The following TMEM150C variants were observed in gnomAD, a reference collection of about 807,000 sequenced individuals.
TMEM150C encodes the protein transmembrane protein 150C, also known as tentonin 3.
TMEM150C carries 10 observed loss-of-function variants against 29.9 expected under a neutral mutation model. The ratio of observed to expected loss-of-function variants is 0.33; its 90% CI spans 0.21 to 0.57. TMEM150C has a LOEUF of 0.57. Ranked by LOEUF, TMEM150C falls within the 20% of genes least tolerant of loss-of-function variation. The probability of loss-of-function intolerance (pLI) is 0.88; values close to 1 mark genes in which losing one functional copy is unlikely to be tolerated. For synonymous variants in TMEM150C, 101 were observed against 112.5 expected (o/e 0.90, Z 0.64); for missense variants, 251 against 303.6 (o/e 0.83, Z 1.29).
intron 5 of TMEM150C, among the ~76,000 whole-genome samples, chr4:82,497,071 A>G (rs572167969): frequency 1.3e-5 from 2 of 152,344 alleles, no homozygotes; most frequent in East Asian, 1.9e-4. Flanking sequence ...TGAAGAGAGA[A>G]TGAGGGAAGT....
chr4:82,490,540 A>G (rs1264566260), intron 6 of TMEM150C, among the ~76,000 whole-genome samples: 3 of 152,200 alleles, frequency 2.0e-5, no homozygotes, highest in African/African-American at 4.8e-5. Flanking sequence ...CTTTTCCAGG[A>G]TAAGAAAATT....
chr4:82,507,305 C>T (rs918492613), intron 1 of TMEM150C, among the ~76,000 whole-genome samples: 2 of 152,198 alleles, frequency 1.3e-5, no homozygotes, highest in Non-Finnish European at 2.9e-5. Context: ...TGGACAAATA[C>T]TCATGCTGGC....
chr4:82,551,384 C>T (rs891301524), intron 1 of TMEM150C, among the ~76,000 whole-genome samples: 1 of 152,110 alleles, frequency 6.6e-6, no homozygotes, highest in African/African-American at 2.4e-5. Flanking sequence ...ATCACCAATA[C>T]CTAGATTATG....
chr4:82,486,576 G>C (rs999729023), intron 7 of TMEM150C, among the ~76,000 whole-genome samples: 1 of 151,704 alleles, frequency 6.6e-6, no homozygotes. Flanking sequence ...CTCGTATCAC[G>C]TCTAAACTTG....
At chr4:82,540,277 A>G (rs1725160394) in intron 1 of TMEM150C, among the ~76,000 whole-genome samples, 1 of 151,144 alleles carries the variant, frequency 6.6e-6, no homozygotes, top group Non-Finnish European at 1.5e-5. Context: ...TGCCCGGCTA[A>G]TTTATTGATG....
intron 1 of TMEM150C, among the ~76,000 whole-genome samples, chr4:82,542,864 C>T (rs1224428228): frequency 6.6e-6 from 1 of 152,098 alleles, no homozygotes; most frequent in East Asian, 1.9e-4. Context: ...CTAGTTAAGA[C>T]CGGGAAAGAC....
chr4:82,521,043 G>A (rs1468657579), intron 1 of TMEM150C, among the ~76,000 whole-genome samples: 1 of 152,008 alleles, frequency 6.6e-6, no homozygotes, highest in Non-Finnish European at 1.5e-5. Context: ...CACACATATG[G>A]TGTACTGTCC....
chr4:82,540,114 CTTTTTTTTTTTTTTT>C (rs577728662), intron 1 of TMEM150C, among the ~76,000 whole-genome samples: 1,583 of 47,298 alleles, frequency 0.033, 64 homozygotes, highest in African/African-American at 0.079. Context: ...TCTACCTATT[CTTTTTTTTTTTTTTT>C]TTTTTTTTTT....
intron 5 of TMEM150C, among the ~76,000 whole-genome samples, chr4:82,498,981 C>T (rs1223998621): frequency 6.6e-6 from 1 of 152,206 alleles, no homozygotes; most frequent in East Asian, 1.9e-4. Context: ...TTCTAAACAC[C>T]ACACTTTGCC....
chr4:82,553,510 C>T (rs1378902214), intron 1 of TMEM150C, among the ~76,000 whole-genome samples: 2 of 152,152 alleles, frequency 1.3e-5, no homozygotes, highest in African/African-American at 2.4e-5. Context: ...AAATAAATTG[C>T]GTGCCTTCCA....
At chr4:82,502,992 C>T (rs920379866) in intron 3 of TMEM150C, 65 bp from the exon 4 acceptor site, 1 of 1,601,252 alleles carries the variant, frequency 6.2e-7, no homozygotes, top group Non-Finnish European at 8.5e-7. Context: ...GCAGTTTAAC[C>T]TTCCCAGTGG....
At chr4:82,495,546 T>C in intron 6 of TMEM150C, 1 of 356,552 alleles carries the variant, frequency 2.8e-6, no homozygotes. Context: ...TTTTTCACAA[T>C]AACAAAGTTG....
chr4:82,561,010 G>A (rs1725901467), intron 1 of TMEM150C, among the ~76,000 whole-genome samples: 1 of 152,198 alleles, frequency 6.6e-6, no homozygotes, highest in South Asian at 2.1e-4. Flanking sequence ...ACCGTGAAAG[G>A]CGGTCTGGCC....
In TMEM150C at chr4:82,493,512, T is replaced by C. The variant is rs9990746; in HGVS notation, c.363+2556A>G. On this transcript the variant is annotated intron_variant, in intron 6 of 7. Transcript: ENST00000449862. ...TTGTCATTTCTCATGTATTCTGTTA[T>C]ATTCCGGCAAACGTTCTTCATAAGT... 9.0e-3 allele frequency among the ~76,000 whole-genome samples: 1,368 copies of C among 152,356 alleles called. 23 individuals carry two copies. The highest frequency in any genetic ancestry group is 0.031 in the African/African-American group (1,297 of 41,584).
intron 1 of TMEM150C, among the ~76,000 whole-genome samples, chr4:82,545,818 G>A (rs769236987): frequency 1.3e-5 from 2 of 151,994 alleles, no homozygotes; most frequent in African/African-American, 2.4e-5. Context: ...CCAACTACTC[G>A]GGAGGTTGAG....
intron 7 of TMEM150C, 36 bp from the exon 8 acceptor site, chr4:82,485,755 G>C (rs770629463): frequency 6.5e-7 from 1 of 1,549,100 alleles, no homozygotes; most frequent in African/African-American, 1.4e-5. Context: ...ACCCTCATCA[G>C]CCACATTAAA....
In TMEM150C at chr4:82,554,948, T is replaced by TC. The variant is rs202048609; in HGVS notation, c.-11+6957dup. ...AAAATCTGAATAGCTTTAGAATTTT[T>TC]CACGTTAGACACAGCTTCTGTACTT... On this transcript the variant is annotated intron_variant, in intron 1 of 7. Transcript: ENST00000449862. Among the ~76,000 whole-genome samples the TC allele has an allele frequency of 6.7e-3, 1,018 of 152,330 alleles. 18 individuals carry two copies. Among genetic ancestry groups the TC allele is most frequent in the African/African-American group, 0.023 (968 of 41,564 alleles).
rs1322210533 is a variant in TMEM150C, at chr4:82,561,941, G to C, written c.-46C>G. ...GCGGCGGGGCCGCTGTCGCCTCGAG[G>C]GGCTGTGACCTGCTGCGGTGGCGGC... On this transcript the variant is annotated 5_prime_UTR_variant, in exon 1 of 8. Transcript: ENST00000449862. The C allele has an allele frequency of 2.8e-6, 3 of 1,054,632 alleles. No individual in the cohort carries two copies. Among genetic ancestry groups the C allele is most frequent in the African/African-American group, 1.7e-5 (1 of 57,444 alleles). The allele number at this position is 1,054,632 out of a possible 1,614,324, so 65.3% of individuals were successfully genotyped here. A position where few individuals can be genotyped will look rare whatever the true frequency, so the allele number is the denominator to read the frequency against.
chr4:82,486,518 AT>A (rs1292377422), intron 7 of TMEM150C, among the ~76,000 whole-genome samples: 2 of 152,166 alleles, frequency 1.3e-5, no homozygotes, highest in African/African-American at 4.8e-5. Flanking sequence ...GTCTCTTCTA[AT>A]TTTCACTATT....
Sources: gnomAD v4.1 joint callset for allele counts (sites outside exome capture counted in the v4.1 genomes callset) on GRCh38, gnomAD v4.1.1 for gene constraint, MANE v1.5 for transcripts, NCBI Gene and HGNC (gene_info 2026-07-23, HGNC 2026-07-21) for gene names.